The following VGLL3 variants were observed in gnomAD, a reference collection of about 807,000 sequenced individuals.
The protein encoded by VGLL3 is transcription cofactor vestigial-like protein 3.
VGLL3 carries 18 observed loss-of-function variants against 29.2 expected under a neutral mutation model. That is an observed-to-expected ratio of 0.62 (90% CI 0.43 to 0.91). The LOEUF (loss-of-function observed/expected upper bound fraction) is 0.91, where lower values mean the gene tolerates loss of function less well. Among genes scored for constraint, VGLL3 ranks in the 40% least tolerant of loss-of-function variants. The pLI is 0.00. For synonymous variants in VGLL3, 180 were observed against 151.8 expected, an observed-to-expected ratio of 1.19 and a Z score of -1.36; for missense variants, 440 against 413.2, an observed-to-expected ratio of 1.06 and a Z score of -0.56.
intron 1 of VGLL3, among the ~76,000 whole-genome samples, chr3:86,988,700 A>AGAAG (rs1385063837): frequency 7.3e-6 from 1 of 136,226 alleles, no homozygotes; most frequent in Non-Finnish European, 1.6e-5. Flanking sequence ...AAGAAGAAGG[A>AGAAG]GAAGAAAAAG....
In VGLL3 at chr3:86,970,483, G is replaced by GCACACACACACA. The variant is rs10694503; in HGVS notation, c.404-1372_404-1361dup. Among the ~76,000 whole-genome samples, 1,245 of 141,256 alleles carry GCACACACACACA rather than the reference G, an allele frequency of 8.8e-3. 16 individuals are homozygous for GCACACACACACA. The highest frequency in any genetic ancestry group is 0.019 in the East Asian group (90 of 4,716). 92.7% of individuals were successfully genotyped at this position (141,256 alleles called of 152,430 possible). A position where few individuals can be genotyped will look rare whatever the true frequency, so the allele number is the denominator to read the frequency against. ...AGAAAAGGCCATATATTACACACACGCACACACACACACACACACACACAC... is the reference window on the plus strand; with the variant it reads ...AGAAAAGGCCATATATTACACACACGCACACACACACACACACACACACACACACACACACAC... On this transcript the variant is annotated intron_variant, in intron 2 of 3. Coordinates refer to ENST00000398399, the MANE Select transcript of VGLL3 (RefSeq NM_016206.4).
chr3:86,990,623 G>T lies in VGLL3; in HGVS notation c.121C>A (p.Gln41Lys). ...AYYQPAPQPG[Q>K]QKKLAVFSKM... is the part of the protein sequence containing the mutation. ...CTGCCCGTCCGGTGACTCACCTGCT[G>T]GCCAGGTTGGGGCGCCGGCTGATAG... The change falls in exon 1 of 4, where the codon CAG becomes AAG. Residue 41 changes from glutamine (Q) to lysine (K), a missense_variant. By Grantham distance (53) the Gln-to-Lys change is moderately conservative (BLOSUM62 1). Transcript: ENST00000398399. The T allele has an allele frequency of 7.4e-7, 1 of 1,359,092 alleles. No homozygotes were observed. Among genetic ancestry groups the T allele is most frequent in the Non-Finnish European group, 9.6e-7 (1 of 1,046,992 alleles). The allele number at this position is 1,359,092 out of a possible 1,614,324, so 84.2% of individuals were successfully genotyped here. A position where few individuals can be genotyped will look rare whatever the true frequency, so the allele number is the denominator to read the frequency against.
At chr3:86,958,661 G>A (rs1210104818) in intron 3 of VGLL3, among the ~76,000 whole-genome samples, 3 of 152,168 alleles carry the variant, frequency 2.0e-5, no homozygotes, top group South Asian at 2.1e-4. Flanking sequence ...TTGAATACTT[G>A]AAACTGACAG....
chr3:86,943,285 T>C lies in VGLL3; in HGVS notation c.*3739A>G, dbSNP rs1014043547. 6.6e-6 allele frequency: 1 copy of C among 152,186 alleles called. No individual in the cohort carries two copies. The highest frequency in any genetic ancestry group is 2.4e-5 in the African/African-American group (1 of 41,448). 9.4% of individuals were successfully genotyped at this position (152,186 alleles called of 1,614,324 possible). ...CATCGGCTTAATTCAGCAAACACTA[T>C]TTAAAGAAGGGACACTCAGTAAGGA... On this transcript the variant is annotated 3_prime_UTR_variant, in exon 4 of 4. Transcript: ENST00000398399.
chr3:86,990,179 C>T (rs533530721), intron 1 of VGLL3: 10 of 342,092 alleles, frequency 2.9e-5, no homozygotes, highest in African/African-American at 2.2e-4. Flanking sequence ...TTCGTGAACT[C>T]ACTCTCCAGG....
chr3:86,986,923 A>G (rs190719851), intron 1 of VGLL3, among the ~76,000 whole-genome samples: 1 of 152,344 alleles, frequency 6.6e-6, no homozygotes, highest in Non-Finnish European at 1.5e-5. Flanking sequence ...GGACTTGGAA[A>G]GAATCTCGCA....
intron 3 of VGLL3, among the ~76,000 whole-genome samples, chr3:86,947,841 C>T (rs564578112): frequency 3.3e-5 from 5 of 151,968 alleles, no homozygotes; most frequent in South Asian, 2.1e-4. Context: ...AAACAGAAAA[C>T]GGGAAATGTG....
chr3:86,990,664 G>T lies in VGLL3; in HGVS notation c.80C>A (p.Thr27Asn), dbSNP rs926090190. The T allele has an allele frequency of 1.4e-6, 2 of 1,405,142 alleles. No homozygotes were observed. The highest frequency in any genetic ancestry group is 1.9e-6 in the Non-Finnish European group (2 of 1,075,820). The allele number at this position is 1,405,142 out of a possible 1,614,324, so 87.0% of individuals were successfully genotyped here. A position where few individuals can be genotyped will look rare whatever the true frequency, so the allele number is the denominator to read the frequency against. ...CGGCTGATAGTAGGCTGTGGGGCAGGTTGTCGCTGCCATGGGGTTGGGCAG... is the reference window on the plus strand; with the variant it reads ...CGGCTGATAGTAGGCTGTGGGGCAGTTTGTCGCTGCCATGGGGTTGGGCAG... ...QYLPNPMAAT[T>N]CPTAYYQPAP... The change falls in exon 1 of 4, where the codon ACC (threonine) becomes AAC (asparagine). Residue 27 changes from threonine to asparagine, a missense_variant. Transcript: ENST00000398399.
rs569499994 is a variant in VGLL3, at chr3:86,941,780, A to C, written c.*5244T>G. 3 of 152,176 alleles carry C rather than the reference A, an allele frequency of 2.0e-5. No individual in the cohort carries two copies. In the South Asian group the frequency reaches 6.2e-4, roughly 32 times the overall value. 9.4% of individuals were successfully genotyped at this position (152,176 alleles called of 1,614,324 possible). ...GTACATGGTGCAATTCCCAGAGAGC[A>C]CTACAAGATTCAAAAGAAAAAAAAA... On this transcript the variant is annotated 3_prime_UTR_variant, in exon 4 of 4. Coordinates refer to ENST00000398399, the MANE Select transcript of VGLL3 (RefSeq NM_016206.4).
intron 1 of VGLL3, among the ~76,000 whole-genome samples, chr3:86,980,377 T>C (rs1303983944): frequency 1.3e-5 from 2 of 152,118 alleles, no homozygotes; most frequent in South Asian, 2.1e-4. Flanking sequence ...TACTGAAATA[T>C]TCAGAAATAC....
At chr3:86,979,600 T>C (rs1705281633) in intron 1 of VGLL3, among the ~76,000 whole-genome samples, 1 of 152,196 alleles carries the variant, frequency 6.6e-6, no homozygotes, top group African/African-American at 2.4e-5. Context: ...TAAAACTTTA[T>C]ATTTATCACC....
At position 86,978,723 on chromosome 3, in the gene VGLL3, TC is replaced by T. The variant is rs1238879924; in HGVS notation, c.205del (p.Glu69ArgfsTer33). The T allele has an allele frequency of 1.9e-6, 3 of 1,614,036 alleles. No individual in the cohort carries two copies. The highest frequency in any genetic ancestry group is 2.5e-6 in the Non-Finnish European group (3 of 1,179,986). ...CTGGTCTTTCTCCTCCTCCTCCTCC[TC>T]CTCATCCTCCTCCTCTTGTTTGCTG... ...LPSKQEEEDE[E>X]EEEEEKDQPA... On this transcript the variant is annotated frameshift_variant, in exon 2 of 4. Coordinates refer to ENST00000398399, the MANE Select transcript of VGLL3 (RefSeq NM_016206.4). LOFTEE classifies it high-confidence loss of function.
intron 3 of VGLL3, chr3:86,962,286 T>A: frequency 1.0e-6 from 1 of 985,530 alleles, no homozygotes; most frequent in African/African-American, 1.7e-5. Flanking sequence ...TGAGCTCGCA[T>A]GACAGCAAAG....
At position 86,968,630 on chromosome 3, in the gene VGLL3, A is replaced by T. The variant is rs1344628949; in HGVS notation, c.897T>A (p.His299Gln). ...SATSAWAGAF[H>Q]GTVDIVPSVG... Reference sequence around the variant, plus strand: ...CGCTGGGCACTATGTCTACTGTTCCATGAAAGGCTCCAGCCCATGCTGAGG... The same window carrying T: ...CGCTGGGCACTATGTCTACTGTTCCTTGAAAGGCTCCAGCCCATGCTGAGG... The change falls in exon 3 of 4, where the codon CAT (histidine) becomes CAA (glutamine). Residue 299 changes from histidine to glutamine, a missense_variant. His to Gln is a conservative substitution (Grantham distance 24). Transcript: ENST00000398399. 2 of 1,614,174 alleles carry T rather than the reference A, an allele frequency of 1.2e-6. No individual in the cohort carries two copies. The highest frequency in any genetic ancestry group is 8.5e-7 in the Non-Finnish European group (1 of 1,180,032).
At chr3:86,984,535 A>T (rs1192136598) in intron 1 of VGLL3, among the ~76,000 whole-genome samples, 1 of 152,208 alleles carries the variant, frequency 6.6e-6, no homozygotes, top group African/African-American at 2.4e-5. Context: ...AGCAATGATC[A>T]TATCATGAGG....
At chr3:86,978,451 T>A in intron 2 of VGLL3, 75 bp downstream of exon 2, 1 of 1,519,796 alleles carries the variant, frequency 6.6e-7, no homozygotes. Context: ...GGGGCAAGTC[T>A]CCAGCTGGAA....
intron 1 of VGLL3, among the ~76,000 whole-genome samples, chr3:86,984,095 A>C (rs2107065343): frequency 6.6e-6 from 1 of 152,386 alleles, no homozygotes; most frequent in South Asian, 2.1e-4. Context: ...AATTCATGAC[A>C]TTAAAAAGTT....
Position 86,989,249 on chromosome 3 carries a change from T to A in VGLL3, c.126+1369A>T, listed in dbSNP as rs143019817. ...GTTTTAGTTTGTTGCTCATCCACAT[T>A]CCAAATGATAATTGAAGACCTCTGT... On this transcript the variant is annotated intron_variant, in intron 1 of 3. Coordinates refer to ENST00000398399, the MANE Select transcript of VGLL3 (RefSeq NM_016206.4). Among the ~76,000 whole-genome samples the A allele has an allele frequency of 2.2e-4, 34 of 152,316 alleles. No homozygotes were observed. The East Asian group carries it at 6.6e-3, about 29-fold the overall frequency.
chr3:86,954,180 C>A (rs1336926705), intron 3 of VGLL3, among the ~76,000 whole-genome samples: 3 of 152,160 alleles, frequency 2.0e-5, no homozygotes, highest in Non-Finnish European at 4.4e-5. Context: ...GTCAAAATGT[C>A]TTTAAGCTCA....
Sources: gnomAD v4.1 joint callset for allele counts (sites outside exome capture counted in the v4.1 genomes callset) on GRCh38, gnomAD v4.1.1 for gene constraint, MANE v1.5 for transcripts, NCBI Gene and HGNC (gene_info 2026-07-23, HGNC 2026-07-21) for gene names.